AVEN: variants seen among roughly 807,000 people sequenced by gnomAD.
AVEN encodes the protein cell death regulator Aven.
In AVEN, 41 loss-of-function variants were observed where a neutral mutation model predicts 38.1. That is an observed-to-expected ratio of 1.08 (90% confidence interval 0.84 to 1.40). The LOEUF is 1.40. AVEN is among the 40% of genes most tolerant of loss of function. The probability of loss-of-function intolerance (pLI) is 0.00; values close to 1 mark genes in which losing one functional copy is unlikely to be tolerated. For synonymous variants in AVEN, 206 were observed against 171.8 expected, an observed-to-expected ratio of 1.20 and a Z score of -1.56; for missense variants, 605 against 438.8, an observed-to-expected ratio of 1.38 and a Z score of -3.38.
intron 2 of AVEN, among the ~76,000 whole-genome samples, chr15:33,910,968 A>C (rs1000924574): frequency 6.6e-6 from 1 of 152,224 alleles, no homozygotes; most frequent in South Asian, 2.1e-4. Context: ...GCTTTGGAAG[A>C]AAAACAGTTT....
chr15:33,958,572 G>C (rs1323966213), intron 2 of AVEN, among the ~76,000 whole-genome samples: 2 of 139,598 alleles, frequency 1.4e-5, no homozygotes, highest in Non-Finnish European at 3.0e-5. Flanking sequence ...GCCTGGGCAA[G>C]ACAGCAAGAC....
chr15:33,992,679 G>A (rs1472779823), intron 2 of AVEN, among the ~76,000 whole-genome samples: 1 of 151,978 alleles, frequency 6.6e-6, no homozygotes. Context: ...AAAAAAATGA[G>A]CTGAATCAAT....
chr15:34,003,091 T>C lies in AVEN; in HGVS notation c.386A>G (p.Asn129Ser), dbSNP rs370441123. 1.5e-5 allele frequency: 24 copies of C among 1,613,908 alleles called. No homozygotes were observed. Among genetic ancestry groups the C allele is most frequent in the Middle Eastern group, 3.3e-4 (2 of 6,082 alleles). Reference protein sequence around the residue: ...DRYQDIEKEVNNESGESQRGT... With the variant: ...DRYQDIEKEVSNESGESQRGT... ...CCTCTGTGACTCTCCACTTTCATTA[T>C]TGACCTCTTTTTCAATATCTTGATA... The change falls in exon 2 of 6, where the codon AAT (asparagine) becomes AGT (serine). Residue 129 changes from asparagine to serine, a missense_variant. Transcript: ENST00000306730.
chr15:33,963,128 C>A (rs755067144), intron 2 of AVEN, among the ~76,000 whole-genome samples: 5 of 152,066 alleles, frequency 3.3e-5, no homozygotes, highest in Non-Finnish European at 7.4e-5. Flanking sequence ...TAAATTATCT[C>A]TACAGTCCCT....
rs577649759 is a variant in AVEN, at chr15:33,876,106, G to A, written c.446-111C>T. ...CATTTCTGAAGTGCTCAAACTCAAA[G>A]GGAGAGGCAAGGATAAAACTGGAAC... is the stretch of plus-strand genomic sequence containing the variant. On this transcript the variant is annotated intron_variant, in intron 2 of 5. Transcript: ENST00000306730. 7.5e-6 allele frequency: 7 copies of A among 931,932 alleles called. No individual in the cohort carries two copies. In the East Asian group the frequency reaches 1.8e-4, roughly 24 times the overall value. 57.7% of individuals were successfully genotyped at this position (931,932 alleles called of 1,614,324 possible).
intron 1 of AVEN, among the ~76,000 whole-genome samples, chr15:34,026,911 GA>G (rs1898499765): frequency 6.6e-6 from 1 of 152,094 alleles, no homozygotes; most frequent in Non-Finnish European, 1.5e-5. Flanking sequence ...ACGTATAATA[GA>G]ATTAAAGAGT....
intron 1 of AVEN, among the ~76,000 whole-genome samples, chr15:34,073,443 C>T (rs1900670013): frequency 4.9e-5 from 1 of 20,384 alleles, no homozygotes; most frequent in Admixed American, 8.0e-4. Flanking sequence ...TCTGGTCATT[C>T]AAACTCTTCA....
chr15:34,059,163 C>T (rs1567492617), intron 5 of AVEN, among the ~76,000 whole-genome samples: 1 of 152,150 alleles, frequency 6.6e-6, no homozygotes, highest in Non-Finnish European at 1.5e-5. Flanking sequence ...TCCCAAAGTG[C>T]TGGGATTACA....
At chr15:34,009,416 C>A (rs1479844706) in intron 1 of AVEN, among the ~76,000 whole-genome samples, 3 of 152,074 alleles carry the variant, frequency 2.0e-5, no homozygotes, top group Non-Finnish European at 2.9e-5. Flanking sequence ...ATTTTAAAAG[C>A]AATTCTATAA....
At chr15:33,957,150 G>A (rs1894987908) in intron 2 of AVEN, among the ~76,000 whole-genome samples, 1 of 152,164 alleles carries the variant, frequency 6.6e-6, no homozygotes, top group Non-Finnish European at 1.5e-5. Flanking sequence ...CTAATATATG[G>A]TAAGTGCTTA....
chr15:33,948,953 G>A (rs547361251), intron 2 of AVEN, among the ~76,000 whole-genome samples: 23 of 152,262 alleles, frequency 1.5e-4, no homozygotes, highest in Non-Finnish European at 2.8e-4. Context: ...GATTACAGGC[G>A]TGAGCCACCG....
intron 2 of AVEN, among the ~76,000 whole-genome samples, chr15:33,933,578 G>GAGAGAGAT (rs1893955667): frequency 7.5e-6 from 1 of 133,856 alleles, no homozygotes; most frequent in Admixed American, 7.8e-5. Flanking sequence ...GAGAGAGAGA[G>GAGAGAGAT]AGAACTGAGG....
At chr15:33,996,821 C>T (rs994731820) in intron 2 of AVEN, among the ~76,000 whole-genome samples, 2 of 152,196 alleles carry the variant, frequency 1.3e-5, no homozygotes, top group Admixed American at 6.5e-5. Context: ...CGCAGCTCCT[C>T]GCTAGCAAGA....
chr15:33,894,519 A>T (rs1389285378), intron 2 of AVEN, among the ~76,000 whole-genome samples: 2 of 12,786 alleles, frequency 1.6e-4, no homozygotes, highest in Non-Finnish European at 0.019. Context: ...TTCTCTTAAA[A>T]AAAAAAAAAA....
chr15:33,865,306 T>A, downstream of AVEN: 1 of 929,896 alleles, frequency 1.1e-6, no homozygotes, highest in Non-Finnish European at 1.7e-6. Flanking sequence ...TTCTGCAACA[T>A]ATCTGAAATG....
At chr15:34,068,760 C>T (rs1387202211) in intron 2 of AVEN, among the ~76,000 whole-genome samples, 2 of 151,792 alleles carry the variant, frequency 1.3e-5, no homozygotes, top group Non-Finnish European at 2.9e-5. Flanking sequence ...AATCTGTCTA[C>T]AGCTTTTCTG....
rs994799833 is a variant in AVEN at position 33,866,455 on chromosome 15, G to C, written c.*158C>G. 38 of 603,088 alleles carry C rather than the reference G, an allele frequency of 6.3e-5. No individual in the cohort carries two copies. The highest frequency in any genetic ancestry group is 1.0e-4 in the Non-Finnish European group (34 of 338,750). 37.4% of individuals were successfully genotyped at this position (603,088 alleles called of 1,614,324 possible). On this transcript the variant is annotated 3_prime_UTR_variant, in exon 6 of 6. Coordinates refer to ENST00000306730, the MANE Select transcript of AVEN (RefSeq NM_020371.3). ...CAAGCTGCTTCAATGTATTCTTTCA[G>C]ATGTCAAACACAGAGGTAGGCATTT...
intron 1 of AVEN, among the ~76,000 whole-genome samples, chr15:34,011,781 C>G (rs1486316522): frequency 6.6e-6 from 1 of 152,192 alleles, no homozygotes; most frequent in Non-Finnish European, 1.5e-5. Flanking sequence ...TCGGCTAAAA[C>G]TGGAAGGCAC....
downstream of AVEN, chr15:33,858,040 C>A: frequency 1.6e-6 from 2 of 1,243,872 alleles, no homozygotes; most frequent in Non-Finnish European, 2.2e-6. Context: ...CAGAGCACAG[C>A]AGAGATTAAA....
Sources: gnomAD v4.1 joint callset for allele counts (sites outside exome capture counted in the v4.1 genomes callset) on GRCh38, gnomAD v4.1.1 for gene constraint, MANE v1.5 for transcripts, NCBI Gene and HGNC (gene_info 2026-07-23, HGNC 2026-07-21) for gene names.